The following CCDC171 variants were observed in gnomAD, a reference collection of about 807,000 sequenced individuals.
CCDC171 encodes coiled-coil domain-containing protein 171.
Under a neutral mutation model 168.2 loss-of-function variants are expected in CCDC171, and 177 were observed. The observed-to-expected ratio is 1.05, with a 90% CI of 0.93 to 1.19. The LOEUF is 1.19. CCDC171 is among the 50% of genes most tolerant of loss of function. The probability of loss-of-function intolerance (pLI) is 0.00; values close to 1 mark genes in which losing one functional copy is unlikely to be tolerated. For missense variants in CCDC171, 1,991 were observed against 1,539.0 expected (o/e 1.29, Z -4.91); for synonymous variants, 687 against 540.8 (o/e 1.27, Z -3.75).
intron 4 of CCDC171, among the ~76,000 whole-genome samples, chr9:15,585,951 G>A (rs1023222118): frequency 1.4e-4 from 21 of 152,178 alleles, no homozygotes; most frequent in Middle Eastern, 3.4e-3. Context: ...ACTCTAGCCT[G>A]GATGACAGAG....
chr9:15,559,660 C>T (rs1283095732), intron 1 of CCDC171, among the ~76,000 whole-genome samples: 1 of 152,168 alleles, frequency 6.6e-6, no homozygotes, highest in African/African-American at 2.4e-5. Flanking sequence ...CAGTACAGCA[C>T]ACTGATGGGT....
chr9:15,629,091 C>G (rs2045444785), intron 7 of CCDC171, among the ~76,000 whole-genome samples: 2 of 152,074 alleles, frequency 1.3e-5, no homozygotes, highest in African/African-American at 4.8e-5. Flanking sequence ...AAAAACAGAG[C>G]AGAAAAACTG....
intron 3 of CCDC171, among the ~76,000 whole-genome samples, chr9:15,575,578 G>A (rs2040584736): frequency 6.6e-6 from 1 of 152,122 alleles, no homozygotes; most frequent in Non-Finnish European, 1.5e-5. Context: ...TGAGAGCAGG[G>A]ATTCTTAAGC....
chr9:15,899,450 T>G (rs1003914881), intron 24 of CCDC171, among the ~76,000 whole-genome samples: 5 of 152,206 alleles, frequency 3.3e-5, no homozygotes, highest in Non-Finnish European at 7.3e-5. Context: ...TCATTCTCAC[T>G]ATGAATCTTT....
chr9:16,027,721 T>C (rs766267178), intron 6 of CCDC171, among the ~76,000 whole-genome samples: 19 of 152,096 alleles, frequency 1.2e-4, no homozygotes, highest in Non-Finnish European at 2.8e-4. Flanking sequence ...AGTTTTTCAG[T>C]GGGTAATCAT....
At chr9:16,080,300 G>T in the CCDC171 span, among the ~76,000 whole-genome samples, 7 of 152,154 alleles carry the variant, frequency 4.6e-5, no homozygotes, top group South Asian at 2.1e-4. Flanking sequence ...CATTTTATTG[G>T]TTTTTTTCCC....
chr9:15,832,876 T>C (rs2060290036), intron 21 of CCDC171, among the ~76,000 whole-genome samples: 1 of 152,144 alleles, frequency 6.6e-6, no homozygotes, highest in Admixed American at 6.5e-5. Flanking sequence ...TTTAAAACTT[T>C]TTTGGCAAAA....
In CCDC171 at chr9:15,695,222, TC is replaced by T. The variant is rs778419819; in HGVS notation, c.1216-12del. The T allele has an allele frequency of 8.8e-6, 14 of 1,597,214 alleles. No individual in the cohort carries two copies. The highest frequency in any genetic ancestry group is 1.2e-5 in the Non-Finnish European group (14 of 1,164,856). On this transcript the variant is annotated splice_polypyrimidine_tract_variant and intron_variant, in intron 10 of 25. Coordinates refer to ENST00000380701, the MANE Select transcript of CCDC171 (RefSeq NM_173550.4). ...TACGTGACCTTATGTGTAATTTTTTTCTTAATTAAAAGGCTAAGAAGCACCA... is the reference window on the plus strand; with the variant it reads ...TACGTGACCTTATGTGTAATTTTTTTTTAATTAAAAGGCTAAGAAGCACCA...
intron 1 of CCDC171, among the ~76,000 whole-genome samples, chr9:15,562,923 CA>C (rs929393499): frequency 6.6e-6 from 1 of 152,036 alleles, no homozygotes; most frequent in African/African-American, 2.4e-5. Context: ...TGGTGCCCCC[CA>C]CTTAATAGCT....
intron 3 of CCDC171, among the ~76,000 whole-genome samples, chr9:16,014,550 A>C (rs983829355): frequency 2.6e-5 from 4 of 152,212 alleles, no homozygotes; most frequent in African/African-American, 9.6e-5. Context: ...CAGATCCATC[A>C]GGGGAATCAC....
At chr9:16,008,926 C>A (rs138750034) in intron 3 of CCDC171, among the ~76,000 whole-genome samples, 73 of 152,314 alleles carry the variant, frequency 4.8e-4, no homozygotes, top group African/African-American at 1.7e-3. Context: ...TGTCGGCAGA[C>A]CTTTTTTTCA....
At chr9:15,680,845 G>A (rs1318101988) in intron 10 of CCDC171, among the ~76,000 whole-genome samples, 1 of 152,102 alleles carries the variant, frequency 6.6e-6, no homozygotes, top group Non-Finnish European at 1.5e-5. Context: ...ATTAGATATT[G>A]TACTCAGTAG....
At chr9:15,856,711 G>C (rs1478838255) in intron 23 of CCDC171, among the ~76,000 whole-genome samples, 1 of 151,928 alleles carries the variant, frequency 6.6e-6, no homozygotes, top group Non-Finnish European at 1.5e-5. Flanking sequence ...CCTTCTTTTA[G>C]ATAAATACCC....
At chr9:16,090,620 A>C in the CCDC171 span, among the ~76,000 whole-genome samples, 1 of 152,170 alleles carries the variant, frequency 6.6e-6, no homozygotes, top group African/African-American at 2.4e-5. Context: ...AAGAGAAGGA[A>C]ACCAATGGTG....
intron 6 of CCDC171, among the ~76,000 whole-genome samples, chr9:16,023,143 G>A (rs1300278551): frequency 1.3e-5 from 2 of 151,984 alleles, no homozygotes; most frequent in Non-Finnish European, 2.9e-5. Context: ...GCCCAGGCTG[G>A]AGTGCAGTGG....
At chr9:16,059,439 A>T (rs1463256876) in intron 1 of CCDC171, among the ~76,000 whole-genome samples, 1 of 150,256 alleles carries the variant, frequency 6.7e-6, no homozygotes, top group Non-Finnish European at 1.5e-5. Context: ...CGGCACCTCA[A>T]GGGGGCTTTC....
chr9:15,629,715 C>T (rs1288110851), intron 7 of CCDC171, among the ~76,000 whole-genome samples: 1 of 152,072 alleles, frequency 6.6e-6, no homozygotes, highest in South Asian at 2.1e-4. Context: ...AACTCTAAGA[C>T]ACATAATTGT....
intron 21 of CCDC171, among the ~76,000 whole-genome samples, chr9:15,786,883 C>T (rs991451828): frequency 2.6e-5 from 4 of 152,146 alleles, no homozygotes; most frequent in East Asian, 1.9e-4. Context: ...CAGATAACCA[C>T]CTTCAACTGT....
intron 6 of CCDC171, among the ~76,000 whole-genome samples, chr9:15,601,330 C>T (rs377625618): frequency 1.2e-4 from 19 of 152,266 alleles, no homozygotes; most frequent in African/African-American, 4.6e-4. Context: ...ATTGGAAATT[C>T]TGAATTTGTT....
Sources: allele counts gnomAD v4.1 joint callset (sites outside exome capture counted in the v4.1 genomes callset), GRCh38; gene constraint gnomAD v4.1.1; transcripts MANE v1.5; gene names NCBI Gene and HGNC (gene_info 2026-07-23, HGNC 2026-07-21).